The following RPTOR variants were observed in gnomAD, a reference collection of about 807,000 sequenced individuals.
RPTOR encodes the protein regulatory associated protein of MTOR complex 1.
A neutral mutation model predicts 169.9 loss-of-function variants in RPTOR; 21 were observed. The ratio of observed to expected loss-of-function variants is 0.12; its 90% CI spans 0.09 to 0.18. The LOEUF (loss-of-function observed/expected upper bound fraction) is 0.18, where lower values mean the gene tolerates loss of function less well. Among genes scored for constraint, RPTOR ranks in the 10% least tolerant of loss-of-function variants. The pLI, the probability that RPTOR is intolerant of heterozygous loss-of-function variation, is 1.00. For synonymous variants in RPTOR, 732 were observed against 753.2 expected, an observed-to-expected ratio of 0.97 and a Z score of 0.46; for missense variants, 1,133 against 1,855.9, an observed-to-expected ratio of 0.61 and a Z score of 7.16.
At chr17:80,937,612 A>G (rs2068970260) in intron 24 of RPTOR, among the ~76,000 whole-genome samples, 1 of 152,244 alleles carries the variant, frequency 6.6e-6, no homozygotes, top group South Asian at 2.1e-4. Context: ...AGCGGCACCC[A>G]CAGCCTCCAG....
intron 7 of RPTOR, among the ~76,000 whole-genome samples, chr17:80,818,785 T>G (rs1418886931): frequency 6.6e-6 from 1 of 152,204 alleles, no homozygotes; most frequent in African/African-American, 2.4e-5. Flanking sequence ...AGCTTTGCAT[T>G]TATTTACTGG....
In RPTOR at chr17:80,943,991, CAATG is replaced by C. The variant is rs145195743; in HGVS notation, c.3026-1674_3026-1671del. On this transcript the variant is annotated intron_variant, in intron 25 of 33. Coordinates refer to ENST00000306801, the MANE Select transcript of RPTOR (RefSeq NM_020761.3). Reference sequence around the variant, plus strand: ...CTTGTGTCCTTGGTGCCACAACAGACAATGAGGCTTATGCACCCACAGATCCCCA... The same window carrying C: ...CTTGTGTCCTTGGTGCCACAACAGACAGGCTTATGCACCCACAGATCCCCA... 3.7e-3 allele frequency among the ~76,000 whole-genome samples: 565 copies of C among 152,358 alleles called. 8 individuals are homozygous for C. The highest frequency in any genetic ancestry group is 0.013 in the African/African-American group (543 of 41,590).
rs895748701 is a variant in RPTOR, at chr17:80,880,416, C to T, written c.1511C>T (p.Ser504Leu). Residue 504 changes from serine (S) to leucine (L), a missense_variant and splice_region_variant, in exon 14 of 34, where the codon TCG becomes TTG. Ser to Leu is a moderately radical substitution (Grantham distance 145). Transcript: ENST00000306801. ...IWAKILAVDS[S>L]CQADLVKDNG... ...TCTCCTCTGTCTCTTTCTGTCCAGT[C>T]GTGCCAAGCGGACCTCGTGAAGGAC... 1.2e-6 allele frequency: 2 copies of T among 1,613,592 alleles called. No individual in the cohort carries two copies. The highest frequency in any genetic ancestry group is 1.7e-6 in the Non-Finnish European group (2 of 1,179,912).
chr17:80,822,372 T>C, intron 8 of RPTOR, 71 bp downstream of exon 8: 2 of 1,442,462 alleles, frequency 1.4e-6, no homozygotes, highest in Non-Finnish European at 1.9e-6. Context: ...CTCTCGGACA[T>C]GAGAGGAGTC....
chr17:80,943,268 C>T (rs1246900714), intron 25 of RPTOR, among the ~76,000 whole-genome samples: 3 of 152,214 alleles, frequency 2.0e-5, no homozygotes, highest in Non-Finnish European at 4.4e-5. Context: ...CAGCAGAGTG[C>T]CCAAGTCGCG....
chr17:80,578,728 G>C (rs1316999090), intron 1 of RPTOR, among the ~76,000 whole-genome samples: 1 of 152,190 alleles, frequency 6.6e-6, no homozygotes, highest in Non-Finnish European at 1.5e-5. Flanking sequence ...GAAGAGGCTG[G>C]AGTTACTTAA....
intron 3 of RPTOR, among the ~76,000 whole-genome samples, chr17:80,688,248 T>C (rs569216640): frequency 6.6e-6 from 1 of 152,228 alleles, no homozygotes; most frequent in South Asian, 2.1e-4. Flanking sequence ...TTAGACACTA[T>C]CCTCTCCACT....
chr17:80,736,195 A>G (rs1318537210), intron 5 of RPTOR, among the ~76,000 whole-genome samples: 1 of 143,578 alleles, frequency 7.0e-6, no homozygotes, highest in Non-Finnish European at 1.6e-5. Context: ...AGTTCAGCCC[A>G]TGGATCATGG....
chr17:80,708,914 G>A lies in RPTOR; in HGVS notation c.507+915G>A. The A allele has an allele frequency of 1.0e-6, 1 of 985,674 alleles. No homozygotes were observed. The highest frequency in any genetic ancestry group is 1.2e-6 in the Non-Finnish European group (1 of 829,874). 61.1% of individuals were successfully genotyped at this position (985,674 alleles called of 1,614,324 possible). On this transcript the variant is annotated intron_variant, in intron 4 of 33. Transcript: ENST00000306801. The surrounding 1 kb of genome is among the most constrained non-coding windows in gnomAD (Gnocchi z 4.2). ...CCTCCTGGGCTTCTGCTTCCTTAGTGTGGACACCGCCTCCTGCCATCATAG... is the reference window on the plus strand; with the variant it reads ...CCTCCTGGGCTTCTGCTTCCTTAGTATGGACACCGCCTCCTGCCATCATAG...
chr17:80,889,408 A>C (rs1226037669), intron 17 of RPTOR, among the ~76,000 whole-genome samples: 16 of 152,200 alleles, frequency 1.1e-4, no homozygotes, highest in Admixed American at 1.0e-3. Flanking sequence ...GCCAGGGAGC[A>C]GGAGGACAGA....
chr17:80,709,743 G>C (rs1235851596), intron 4 of RPTOR, among the ~76,000 whole-genome samples: 1 of 152,124 alleles, frequency 6.6e-6, no homozygotes, highest in Non-Finnish European at 1.5e-5. Flanking sequence ...GGTGTGCTCT[G>C]ATTTTCTCTG....
At chr17:80,756,680 A>C (rs1401538935) in intron 6 of RPTOR, among the ~76,000 whole-genome samples, 2 of 152,206 alleles carry the variant, frequency 1.3e-5, no homozygotes, top group Non-Finnish European at 2.9e-5. Context: ...TGAAAGAGGC[A>C]CTGAGAGGTA....
Position 80,609,744 on chromosome 17 carries a change from C to CA in RPTOR, c.163-15933dup, listed in dbSNP as rs1221032561. Among the ~76,000 whole-genome samples the CA allele has an allele frequency of 1.8e-3, 214 of 116,498 alleles. 1 individual carries two copies. The highest frequency in any genetic ancestry group is 2.6e-3 in the African/African-American group (81 of 30,914). 76.4% of individuals were successfully genotyped at this position (116,498 alleles called of 152,430 possible). On this transcript the variant is annotated intron_variant, in intron 1 of 33. Coordinates refer to ENST00000306801, the MANE Select transcript of RPTOR (RefSeq NM_020761.3). This position sits in a 1 kb window ranked among gnomAD's most constrained non-coding sequence, Gnocchi z 4.8. ...TGGGCGACAGAGCGAGATTCTGTCTCAAAAAAAAAAAAAAGTTTAAGGTGT... is the reference window on the plus strand; with the variant it reads ...TGGGCGACAGAGCGAGATTCTGTCTCAAAAAAAAAAAAAAAGTTTAAGGTGT...
At position 80,947,112 on chromosome 17, in the gene RPTOR, C is replaced by T. The variant is rs1414586465; in HGVS notation, c.3141-115C>T. The T allele has an allele frequency of 1.1e-5, 12 of 1,069,814 alleles. No homozygotes were observed. Among genetic ancestry groups the T allele is most frequent in the South Asian group, 5.6e-5 (3 of 53,548 alleles). The allele number at this position is 1,069,814 out of a possible 1,614,324, so 66.3% of individuals were successfully genotyped here. On this transcript the variant is annotated intron_variant, in intron 26 of 33. Coordinates refer to ENST00000306801, the MANE Select transcript of RPTOR (RefSeq NM_020761.3). The surrounding 1 kb of genome is among the most constrained non-coding windows in gnomAD (Gnocchi z 4.4). ...GATGACAGGTGTGAGCCGCCGTGCC[C>T]GGCTGTGGTGTGTGGTTTTTTGATA...
At chr17:80,628,645 T>C (rs530232515) in intron 2 of RPTOR, among the ~76,000 whole-genome samples, 9 of 151,482 alleles carry the variant, frequency 5.9e-5, no homozygotes, top group South Asian at 2.1e-4. Context: ...TCCCCACCCT[T>C]TTTTTTTTCT....
At chr17:80,580,679 G>T (rs1449100871) in intron 1 of RPTOR, among the ~76,000 whole-genome samples, 1 of 152,170 alleles carries the variant, frequency 6.6e-6, no homozygotes, top group Non-Finnish European at 1.5e-5. Context: ...GTGGAGTGCA[G>T]TGGCATAATC....
At chr17:80,927,454 T>C (rs1232351876) in intron 24 of RPTOR, among the ~76,000 whole-genome samples, 1 of 152,206 alleles carries the variant, frequency 6.6e-6, no homozygotes, top group Non-Finnish European at 1.5e-5. Flanking sequence ...GAAAGAGGAA[T>C]GGCATAGATA....
In RPTOR at chr17:80,719,093, C is replaced by T. The variant is rs564079430; in HGVS notation, c.507+11094C>T. On this transcript the variant is annotated intron_variant, in intron 4 of 33. Transcript: ENST00000306801. ...ATTTGTTCTCAGGTTGTGAGTAGGC[C>T]GGAGGTCCATGAGTATGGGGTCGTG... 8.5e-5 allele frequency among the ~76,000 whole-genome samples: 13 copies of T among 152,162 alleles called. No homozygotes were observed. In the East Asian group the frequency reaches 1.7e-3, roughly 20 times the overall value.
rs144664372 is a variant in RPTOR at position 80,925,323 on chromosome 17, G to A, written c.2809-47G>A. 6.6e-3 allele frequency: 10,120 copies of A among 1,522,726 alleles called. 54 individuals carry two copies. Among genetic ancestry groups the A allele is most frequent in the Middle Eastern group, 0.021 (125 of 5,908 alleles). The allele number at this position is 1,522,726 out of a possible 1,614,324, so 94.3% of individuals were successfully genotyped here. A position where few individuals can be genotyped will look rare whatever the true frequency, so the allele number is the denominator to read the frequency against. ...TTTTGAGCTCAGGAGTGGCATGACT[G>A]ACTGGTGTTTCTTTTTCCTTCCAAC... On this transcript the variant is annotated intron_variant, in intron 23 of 33. Transcript: ENST00000306801.
Sources: allele counts gnomAD v4.1 joint callset (sites outside exome capture counted in the v4.1 genomes callset), GRCh38; gene constraint gnomAD v4.1.1; non-coding constraint Gnocchi (gnomAD v3.1); transcripts MANE v1.5; gene names NCBI Gene and HGNC (gene_info 2026-07-23, HGNC 2026-07-21).